ZFYVE28: variants seen among roughly 807,000 people sequenced by gnomAD.
ZFYVE28 encodes the protein zinc finger FYVE-type containing 28.
In ZFYVE28, 40 loss-of-function variants were observed where a neutral mutation model predicts 82.1. That is an observed-to-expected ratio of 0.49 (90% CI 0.38 to 0.63). ZFYVE28 has a LOEUF of 0.63. Ranked by LOEUF, ZFYVE28 falls within the 30% of genes least tolerant of loss-of-function variation. The pLI, the probability that ZFYVE28 is intolerant of heterozygous loss-of-function variation, is 0.00. For missense variants in ZFYVE28, 1,321 were observed against 1,242.1 expected (o/e 1.06, Z -0.96); for synonymous variants, 612 against 546.1 (o/e 1.12, Z -1.68).
intron 1 of ZFYVE28, among the ~76,000 whole-genome samples, chr4:2,392,517 C>T (rs974231425): frequency 6.6e-6 from 1 of 152,168 alleles, no homozygotes; most frequent in Admixed American, 6.5e-5. Context: ...AATTTGGGAA[C>T]GAACTCATTT....
rs1424786138 is a variant in ZFYVE28, at chr4:2,417,617, TA to T, written c.39+667del. ...GACGTGGGTGGGGAAGGGACAAGGA[TA>T]GGGACAAGGGAGGGGACGCGAACTG... On this transcript the variant is annotated intron_variant, in intron 1 of 12. Transcript: ENST00000290974. This position sits in a 1 kb window ranked among gnomAD's most constrained non-coding sequence, Gnocchi z 4.8. 2.6e-5 allele frequency among the ~76,000 whole-genome samples: 4 copies of T among 151,534 alleles called. No homozygotes were observed. The highest frequency in any genetic ancestry group is 4.4e-5 in the Non-Finnish European group (3 of 67,836).
chr4:2,393,214 G>A (rs376701768), intron 1 of ZFYVE28, among the ~76,000 whole-genome samples: 1 of 152,218 alleles, frequency 6.6e-6, no homozygotes, highest in Non-Finnish European at 1.5e-5. Context: ...CACCGCATCC[G>A]CTGCATAAAA....
At chr4:2,340,897 T>C (rs909903636) in intron 3 of ZFYVE28, among the ~76,000 whole-genome samples, 1 of 151,240 alleles carries the variant, frequency 6.6e-6, no homozygotes, top group Non-Finnish European at 1.5e-5. Context: ...GACGGCACAA[T>C]AGAGAGGGTG....
At chr4:2,331,447 G>A (rs1720695441) in intron 6 of ZFYVE28, among the ~76,000 whole-genome samples, 1 of 151,834 alleles carries the variant, frequency 6.6e-6, no homozygotes, top group Non-Finnish European at 1.5e-5. Context: ...CTCGAGACCA[G>A]CCTGGACAAC....
rs1435046704 is a variant in ZFYVE28 at position 2,394,629 on chromosome 4, C to T, written c.39+23656G>A. Among the ~76,000 whole-genome samples, 1 of 152,264 alleles carries T rather than the reference C, an allele frequency of 6.6e-6. No individual in the cohort carries two copies. Among genetic ancestry groups the T allele is most frequent in the Non-Finnish European group, 1.5e-5 (1 of 68,048 alleles). ...CGCCTCCTTTCTAACAAGGCACATG[C>T]TTCCAGCTGCTCGGGCTGCTCGGTC... On this transcript the variant is annotated intron_variant, in intron 1 of 12. Coordinates refer to ENST00000290974, the MANE Select transcript of ZFYVE28 (RefSeq NM_020972.3). The surrounding 1 kb of genome is among the most constrained non-coding windows in gnomAD (Gnocchi z 4.0).
At chr4:2,357,323 C>G (rs1417268389) in intron 1 of ZFYVE28, among the ~76,000 whole-genome samples, 1 of 152,178 alleles carries the variant, frequency 6.6e-6, no homozygotes, top group Non-Finnish European at 1.5e-5. Flanking sequence ...AATGCCCCTC[C>G]TCGCTCCCAA....
At position 2,282,759 on chromosome 4, in the gene ZFYVE28, G is replaced by A. The variant is rs543272127; in HGVS notation, c.2052-8543C>T. On this transcript the variant is annotated intron_variant, in intron 8 of 12. Transcript: ENST00000290974. ...CAGTATGTTTCTCATTATGACATCA[G>A]ATACATTAATTTTTGAACTCTTGAA... Among the ~76,000 whole-genome samples the A allele has an allele frequency of 2.0e-5, 3 of 152,254 alleles. No homozygotes were observed. The South Asian group carries it at 6.2e-4, about 32-fold the overall frequency.
chr4:2,388,968 G>A (rs1729549507), intron 1 of ZFYVE28, among the ~76,000 whole-genome samples: 1 of 152,104 alleles, frequency 6.6e-6, no homozygotes, highest in Non-Finnish European at 1.5e-5. Flanking sequence ...GAGTGGCCAA[G>A]GCAGCTGAAT....
intron 1 of ZFYVE28, among the ~76,000 whole-genome samples, chr4:2,361,558 T>C (rs1172343053): frequency 1.3e-5 from 2 of 152,108 alleles, no homozygotes; most frequent in African/African-American, 2.4e-5. Context: ...CCCAGCCACC[T>C]TGAGGCCCAG....
chr4:2,313,432 A>AT (rs1717774970), intron 7 of ZFYVE28, among the ~76,000 whole-genome samples: 2 of 151,688 alleles, frequency 1.3e-5, no homozygotes, highest in South Asian at 2.1e-4. Context: ...ATTTTTTTAC[A>AT]TTTTTTGTAG....
chr4:2,339,744 G>C lies in ZFYVE28; in HGVS notation c.319-89C>G. On this transcript the variant is annotated intron_variant, in intron 3 of 12. Coordinates refer to ENST00000290974, the MANE Select transcript of ZFYVE28 (RefSeq NM_020972.3). The surrounding 1 kb of genome is among the most constrained non-coding windows in gnomAD (Gnocchi z 5.0). ...CCCGGGGAACCTGACTGCGCACCTC[G>C]GGGCCCCTCTTCTCACCCCACAGCA... The C allele has an allele frequency of 7.8e-7, 1 of 1,280,184 alleles. No homozygotes were observed. Among genetic ancestry groups the C allele is most frequent in the Non-Finnish European group, 1.1e-6 (1 of 942,244 alleles). The allele number at this position is 1,280,184 out of a possible 1,614,324, so 79.3% of individuals were successfully genotyped here. A position where few individuals can be genotyped will look rare whatever the true frequency, so the allele number is the denominator to read the frequency against.
chr4:2,352,991 C>G (rs141833213), intron 2 of ZFYVE28, among the ~76,000 whole-genome samples: 3 of 152,346 alleles, frequency 2.0e-5, no homozygotes, highest in African/African-American at 7.2e-5. Context: ...GTCTTTCTAA[C>G]CTGAGCTCCT....
Position 2,362,254 on chromosome 4 carries a change from G to A in ZFYVE28, c.40-8181C>T, listed in dbSNP as rs760971419. On this transcript the variant is annotated intron_variant, in intron 1 of 12. Coordinates refer to ENST00000290974, the MANE Select transcript of ZFYVE28 (RefSeq NM_020972.3). This position sits in a 1 kb window ranked among gnomAD's most constrained non-coding sequence, Gnocchi z 5.1. ...GTGAGGACCAGGTGTCTGAGGCACC[G>A]CCTGGGCCTCTCCAGGGCCAGCTTT... Among the ~76,000 whole-genome samples, 4 of 152,062 alleles carry A rather than the reference G, an allele frequency of 2.6e-5. No homozygotes were observed. The highest frequency in any genetic ancestry group is 6.5e-5 in the Admixed American group (1 of 15,284).
At chr4:2,364,542 G>A (rs1726603963) in intron 1 of ZFYVE28, 1 of 985,544 alleles carries the variant, frequency 1.0e-6, no homozygotes, top group Admixed American at 6.1e-5. Context: ...CGCAACAGGA[G>A]CCACGTGGGA....
chr4:2,333,509 C>T (rs917919056), intron 6 of ZFYVE28, among the ~76,000 whole-genome samples: 1 of 151,808 alleles, frequency 6.6e-6, no homozygotes, highest in Non-Finnish European at 1.5e-5. Context: ...GTGAAAGTCC[C>T]GAAACACAGT....
intron 8 of ZFYVE28, among the ~76,000 whole-genome samples, chr4:2,282,499 C>T (rs752869712): frequency 6.6e-6 from 1 of 152,152 alleles, no homozygotes; most frequent in Non-Finnish European, 1.5e-5. Context: ...ATGTTGGGAA[C>T]ATGGAACACG....
chr4:2,305,250 T>C lies in ZFYVE28; in HGVS notation c.1090A>G (p.Ile364Val). ...CTGTGAGCTGGGGACTGGCAGGCAA[T>C]GGGCGGTGAAAGCAAAGAGGACATC... The part of the protein sequence containing the change: ...DEMSSLLSPP[I>V]ACQSPAHRPG... Residue 364 changes from isoleucine to valine, a missense_variant, in exon 8 of 13, where the codon ATT becomes GTT. Ile to Val is a conservative substitution (Grantham distance 29, BLOSUM62 3). Transcript: ENST00000290974. 1.2e-6 allele frequency: 2 copies of C among 1,612,436 alleles called. No homozygotes were observed. The highest frequency in any genetic ancestry group is 1.1e-5 in the South Asian group (1 of 91,008).
In ZFYVE28 at chr4:2,271,428, A is replaced by G. The variant is rs1735897133; in HGVS notation, c.2429-14T>C. 1 of 1,611,092 alleles carries G rather than the reference A, an allele frequency of 6.2e-7. No individual in the cohort carries two copies. Among genetic ancestry groups the G allele is most frequent in the African/African-American group, 1.3e-5 (1 of 74,904 alleles). Reference sequence around the variant, plus strand: ...ACTCCGGGGGGTCTGTCACAACAACAGCAGCGTCACATCAGCGACGGCAGG... The same window carrying G: ...ACTCCGGGGGGTCTGTCACAACAACGGCAGCGTCACATCAGCGACGGCAGG... On this transcript the variant is annotated splice_polypyrimidine_tract_variant and intron_variant, in intron 11 of 12. Coordinates refer to ENST00000290974, the MANE Select transcript of ZFYVE28 (RefSeq NM_020972.3).
Position 2,304,341 on chromosome 4 carries a change from G to T in ZFYVE28, c.1999C>A (p.His667Asn). ...GQQEPEAREL[H>N]AGSPSAHEAP... ...TCGTGAGCCGAGGGGCTCCCAGCAT[G>T]CAGCTCTCTGGCCTCTGGCTCCTGC... The change falls in exon 8 of 13, where the codon CAT becomes AAT. Residue 667 changes from histidine (H) to asparagine (N), a missense_variant. Transcript: ENST00000290974. 1 of 1,607,228 alleles carries T rather than the reference G, an allele frequency of 6.2e-7. No homozygotes were observed.
Sources: allele counts gnomAD v4.1 joint callset (sites outside exome capture counted in the v4.1 genomes callset), GRCh38; gene constraint gnomAD v4.1.1; non-coding constraint Gnocchi (gnomAD v3.1); transcripts MANE v1.5; gene names NCBI Gene and HGNC (gene_info 2026-07-23, HGNC 2026-07-21).